Variants in SLC22A25 observed in about 807,000 individuals in gnomAD.
SLC22A25 encodes solute carrier family 22 member 25.
A neutral mutation model predicts 45.9 loss-of-function variants in SLC22A25; 44 were observed. The observed-to-expected ratio is 0.96, with a 90% CI of 0.75 to 1.23. SLC22A25 has a LOEUF of 1.23. Among genes scored for constraint, SLC22A25 ranks in the 50% most tolerant of loss-of-function variants. The pLI is 0.00. For synonymous variants in SLC22A25, 283 were observed against 238.6 expected, an observed-to-expected ratio of 1.19 and a Z score of -1.72; for missense variants, 800 against 666.4, an observed-to-expected ratio of 1.20 and a Z score of -2.21.
At chr11:63,169,736 T>C (rs2087812649) in intron 9 of SLC22A25, among the ~76,000 whole-genome samples, 1 of 152,098 alleles carries the variant, frequency 6.6e-6, no homozygotes, top group Admixed American at 6.6e-5. Flanking sequence ...AACATCCCAC[T>C]GTCAATATTA....
At position 63,159,803 on chromosome 11, in the gene SLC22A25, A is replaced by G. The variant is rs182269910; in HGVS notation, c.*4021T>C. ...GGCTTTGACTGAAATGCTGATAATG[A>G]TATGGAAAATGAAATCCAGGCTGAG... On this transcript the variant is annotated 3_prime_UTR_variant, in exon 12 of 12. Coordinates refer to ENST00000306494, the MANE Select transcript of SLC22A25 (RefSeq NM_199352.6). 2.8e-4 allele frequency among the ~76,000 whole-genome samples: 42 copies of G among 152,338 alleles called. No homozygotes were observed. Among genetic ancestry groups the G allele is most frequent in the African/African-American group, 9.1e-4 (38 of 41,574 alleles).
At position 63,168,251 on chromosome 11, in the gene SLC22A25, T is replaced by C. The variant is rs541338476; in HGVS notation, c.1071-1993A>G. On this transcript the variant is annotated intron_variant, in intron 9 of 11. Transcript: ENST00000306494. ...ATGCTGAAAATTCCAAAAAACCGAA[T>C]GCGTCTTCTCCTCCAAATGATGACA... is the stretch of plus-strand genomic sequence containing the variant. 2.6e-5 allele frequency among the ~76,000 whole-genome samples: 4 copies of C among 152,246 alleles called. No homozygotes were observed. In the South Asian group the frequency reaches 8.3e-4, roughly 32 times the overall value.
At chr11:63,189,436 GTC>G (rs2088705918) in intron 7 of SLC22A25, among the ~76,000 whole-genome samples, 1 of 151,918 alleles carries the variant, frequency 6.6e-6, no homozygotes, top group Admixed American at 6.6e-5. Context: ...GCCTATCTTT[GTC>G]TCTGCACATG....
intron 3 of SLC22A25, among the ~76,000 whole-genome samples, chr11:63,237,384 T>C (rs2090183142): frequency 1.3e-5 from 2 of 152,130 alleles, no homozygotes; most frequent in African/African-American, 4.8e-5. Flanking sequence ...GGAGGTGGGT[T>C]ATTGCAGGAG....
At chr11:63,195,514 T>TAACA (rs1274401611) in intron 7 of SLC22A25, among the ~76,000 whole-genome samples, 2 of 151,908 alleles carry the variant, frequency 1.3e-5, no homozygotes, top group African/African-American at 4.8e-5. Flanking sequence ...ACCGAGTACA[T>TAACA]AACAAAATGA....
At chr11:63,176,590 C>G (rs1191624286) in intron 9 of SLC22A25, among the ~76,000 whole-genome samples, 1 of 151,908 alleles carries the variant, frequency 6.6e-6, no homozygotes, top group Non-Finnish European at 1.5e-5. Flanking sequence ...TTTATTAGCT[C>G]TAAAATTTTT....
rs1250504079 is a variant in SLC22A25, at chr11:63,160,516, AG to A, written c.*3307del. Among the ~76,000 whole-genome samples the A allele has an allele frequency of 6.6e-6, 1 of 152,202 alleles. No homozygotes were observed. Among genetic ancestry groups the A allele is most frequent in the African/African-American group, 2.4e-5 (1 of 41,448 alleles). On this transcript the variant is annotated 3_prime_UTR_variant, in exon 12 of 12. Transcript: ENST00000306494. ...GGATGCCCAGGTAGAAGTTTGCTGC[AG>A]GGGTGGGGTCCTCATGGAGAACCTC...
chr11:63,236,941 A>G (rs1052837818), intron 3 of SLC22A25, among the ~76,000 whole-genome samples: 2 of 152,094 alleles, frequency 1.3e-5, no homozygotes, highest in African/African-American at 4.8e-5. Flanking sequence ...ACTGTTCTCC[A>G]TATCTTCATT....
At chr11:63,175,267 T>A (rs780883122) in intron 9 of SLC22A25, among the ~76,000 whole-genome samples, 1 of 152,138 alleles carries the variant, frequency 6.6e-6, no homozygotes, top group Non-Finnish European at 1.5e-5. Flanking sequence ...CCAACAGTTA[T>A]TATCTCTTAT....
chr11:63,177,818 T>A (rs550444195), intron 9 of SLC22A25, among the ~76,000 whole-genome samples: 1 of 141,840 alleles, frequency 7.1e-6, no homozygotes, highest in South Asian at 2.1e-4. Context: ...AATACATATA[T>A]ATAATGTATA....
intron 3 of SLC22A25, among the ~76,000 whole-genome samples, chr11:63,233,189 T>G (rs2090101608): frequency 6.6e-6 from 1 of 152,084 alleles, no homozygotes. Context: ...CTATTGATTG[T>G]AGTACTTTAA....
intron 7 of SLC22A25, chr11:63,208,402 C>T (rs1852067): frequency 0.49 from 74,785 of 152,112 alleles, 18,976 homozygotes; most frequent in African/African-American, 0.61. Flanking sequence ...TGGCAGGAGT[C>T]GCTTGCCAAT....
At chr11:63,217,808 A>G (rs2134817362) in intron 5 of SLC22A25, 73 bp from the exon 6 acceptor site, 6 of 1,494,638 alleles carry the variant, frequency 4.0e-6, no homozygotes, top group Non-Finnish European at 5.4e-6. Flanking sequence ...GGGAAAGCAC[A>G]CTTTGAAACT....
At chr11:63,236,299 A>T (rs2090162383) in intron 3 of SLC22A25, among the ~76,000 whole-genome samples, 1 of 152,036 alleles carries the variant, frequency 6.6e-6, no homozygotes, top group Non-Finnish European at 1.5e-5. Context: ...ACCCAGTTCG[A>T]GCTTCCCGGC....
intron 7 of SLC22A25, among the ~76,000 whole-genome samples, chr11:63,206,434 A>G (rs61652473): frequency 0.045 from 6,825 of 152,324 alleles, 490 homozygotes; most frequent in African/African-American, 0.15. Context: ...CAACTTCAGC[A>G]AAGTCTCAGG....
chr11:63,184,559 A>G (rs538513241), intron 7 of SLC22A25, among the ~76,000 whole-genome samples: 1 of 152,282 alleles, frequency 6.6e-6, no homozygotes, highest in East Asian at 1.9e-4. Flanking sequence ...GCACAGGACA[A>G]GATGTAAATT....
intron 9 of SLC22A25, among the ~76,000 whole-genome samples, chr11:63,175,755 A>G (rs2088062079): frequency 6.6e-6 from 1 of 151,722 alleles, no homozygotes; most frequent in African/African-American, 2.4e-5. Context: ...TCTTGAATCC[A>G]TTTTCAGTTG....
chr11:63,198,717 T>TA (rs899182298), intron 7 of SLC22A25, among the ~76,000 whole-genome samples: 4 of 151,136 alleles, frequency 2.6e-5, no homozygotes, highest in Admixed American at 1.3e-4. Context: ...TTAAGTATAA[T>TA]AAAAAAAAGA....
In SLC22A25 at chr11:63,195,673, C is replaced by A. The variant is rs530357702; in HGVS notation, c.831-11856G>T. On this transcript the variant is annotated intron_variant, in intron 7 of 11. Coordinates refer to ENST00000306494, the MANE Select transcript of SLC22A25 (RefSeq NM_199352.6). ...AGCAGGAAAGATCCAAAATTGACAC[C>A]CTAACATCGCAATTAAAAGAACTAG... Among the ~76,000 whole-genome samples the A allele has an allele frequency of 3.6e-4, 55 of 151,932 alleles. 1 individual carries two copies. The East Asian group carries it at 9.5e-3, about 26-fold the overall frequency.
Sources: allele counts gnomAD v4.1 joint callset (sites outside exome capture counted in the v4.1 genomes callset), GRCh38; gene constraint gnomAD v4.1.1; transcripts MANE v1.5; gene names NCBI Gene and HGNC (gene_info 2026-07-23, HGNC 2026-07-21).